Variants in RGS22 observed in about 807,000 individuals in gnomAD.
RGS22 encodes the protein regulator of G-protein signaling 22.
Under a neutral mutation model 172.9 loss-of-function variants are expected in RGS22, and 148 were observed. The observed-to-expected ratio is 0.86, with a 90% CI of 0.75 to 0.98. RGS22 has a LOEUF of 0.98. Among genes scored for constraint, RGS22 ranks in the 50% least tolerant of loss-of-function variants. The pLI is 0.00. For synonymous variants in RGS22, 458 were observed against 480.2 expected, an observed-to-expected ratio of 0.95 and a Z score of 0.60; for missense variants, 1,347 against 1,440.8, an observed-to-expected ratio of 0.93 and a Z score of 1.05.
In RGS22 at chr8:100,051,703, G is replaced by A. The variant is rs1408441266; in HGVS notation, c.1689+1099C>T. 6.9e-3 allele frequency among the ~76,000 whole-genome samples: 140 copies of A among 20,212 alleles called. 50 individuals are homozygous for A. The highest frequency in any genetic ancestry group is 0.058 in the African/African-American group (131 of 2,268). The allele number at this position is 20,212 out of a possible 152,430, so 13.3% of individuals were successfully genotyped here. A position where few individuals can be genotyped will look rare whatever the true frequency, so the allele number is the denominator to read the frequency against. ...TATACATATATATATTTATATATAC[G>A]TATATATAAATATATATTTATATAT... is the stretch of plus-strand genomic sequence containing the variant. On this transcript the variant is annotated intron_variant, in intron 10 of 27. Coordinates refer to ENST00000360863, the MANE Select transcript of RGS22 (RefSeq NM_015668.5).
At position 100,001,219 on chromosome 8, in the gene RGS22, T is replaced by TATATATATATATATACATAC. The variant is rs1402594104; in HGVS notation, c.2790+982_2790+983insGTATGTATATATATATATAT. 1.7e-3 allele frequency among the ~76,000 whole-genome samples: 232 copies of TATATATATATATATACATAC among 132,930 alleles called. 1 individual carries two copies. The highest frequency in any genetic ancestry group is 6.3e-3 in the African/African-American group (222 of 35,326). 87.2% of individuals were successfully genotyped at this position (132,930 alleles called of 152,430 possible). On this transcript the variant is annotated intron_variant, in intron 18 of 27. Coordinates refer to ENST00000360863, the MANE Select transcript of RGS22 (RefSeq NM_015668.5). ...CCAATTTTTTATATATATATATATA[T>TATATATATATATATACATAC]ACATATATATATATACATTTTTTTT... is the stretch of plus-strand genomic sequence containing the variant.
At chr8:100,105,246 A>T in intron 2 of RGS22, 128 bp downstream of exon 2, 1 of 730,524 alleles carries the variant, frequency 1.4e-6, no homozygotes, top group East Asian at 2.5e-5. Flanking sequence ...CACAGTTATT[A>T]CAATTGTTAC....
intron 20 of RGS22, among the ~76,000 whole-genome samples, chr8:99,989,689 C>CA (rs1260045584): frequency 1.3e-5 from 2 of 151,958 alleles, no homozygotes; most frequent in East Asian, 1.9e-4. Context: ...ACCAAAATTG[C>CA]AAAAAATAAG....
At chr8:100,058,171 CA>C (rs71512460) in intron 9 of RGS22, among the ~76,000 whole-genome samples, 2,809 of 56,076 alleles carry the variant, frequency 0.05, 59 homozygotes, top group African/African-American at 0.12. Context: ...ACAGAGGAGA[CA>C]AAAAAAAAAA....
chr8:100,038,700 T>C, intron 14 of RGS22: 1 of 353,198 alleles, frequency 2.8e-6, no homozygotes, highest in Non-Finnish European at 5.1e-6. Context: ...GAAGAACAAG[T>C]AGTTGGCAAG....
At chr8:100,016,137 A>T (rs1415388000) in intron 14 of RGS22, among the ~76,000 whole-genome samples, 1 of 152,246 alleles carries the variant, frequency 6.6e-6, no homozygotes, top group African/African-American at 2.4e-5. Context: ...AATAACGCAA[A>T]GAAAAGCAGA....
chr8:100,085,093 A>G (rs955404722), intron 3 of RGS22, among the ~76,000 whole-genome samples: 8 of 152,146 alleles, frequency 5.3e-5, no homozygotes, highest in South Asian at 2.1e-4. Context: ...TTTCTGAGAC[A>G]TATCAGTAAA....
At chr8:99,974,454 A>G (rs1334274733) in intron 23 of RGS22, among the ~76,000 whole-genome samples, 1 of 152,226 alleles carries the variant, frequency 6.6e-6, no homozygotes. Context: ...AATGTAGACA[A>G]TGCTTATGAT....
intron 20 of RGS22, 113 bp downstream of exon 20, chr8:99,996,348 AG>A (rs1447299139): frequency 1.3e-6 from 1 of 789,528 alleles, no homozygotes; most frequent in Admixed American, 2.2e-5. Flanking sequence ...CTCAGTTGTC[AG>A]TTTAGAAAAC....
intron 10 of RGS22, among the ~76,000 whole-genome samples, chr8:100,048,850 T>G (rs1820993155): frequency 6.6e-6 from 1 of 151,638 alleles, no homozygotes; most frequent in South Asian, 2.1e-4. Context: ...AAAAGGAGAG[T>G]TGGTCTTTAA....
rs372160641 is a variant in RGS22, at chr8:100,081,784, G to T, written c.118-1429C>A. ...AAATTAATTAAACTTGGTAGAGAAT[G>T]ACATCAAATATTAATGGGAGTAGGA... On this transcript the variant is annotated intron_variant, in intron 3 of 27. Transcript: ENST00000360863. 1.2e-4 allele frequency among the ~76,000 whole-genome samples: 18 copies of T among 152,164 alleles called. No individual in the cohort carries two copies. The East Asian group carries it at 2.9e-3, about 24-fold the overall frequency.
intron 16 of RGS22, 49 bp downstream of exon 16, chr8:100,005,968 C>T (rs776178716): frequency 1.4e-6 from 2 of 1,409,478 alleles, no homozygotes; most frequent in African/African-American, 2.8e-5. Flanking sequence ...AAAGTGGTAA[C>T]CCTCTCCAGG....
At chr8:100,015,459 A>C (rs953160112) in intron 14 of RGS22, among the ~76,000 whole-genome samples, 2 of 151,914 alleles carry the variant, frequency 1.3e-5, no homozygotes, top group Non-Finnish European at 2.9e-5. Context: ...CGCCAGGCTA[A>C]TTTTTGTATT....
intron 14 of RGS22, among the ~76,000 whole-genome samples, chr8:100,025,433 C>T (rs1173666151): frequency 3.3e-5 from 5 of 152,214 alleles, no homozygotes; most frequent in African/African-American, 1.2e-4. Context: ...TGATTTTCCA[C>T]ATTCAATCAC....
chr8:99,982,039 G>A lies in RGS22; in HGVS notation c.3258C>T (p.Ser1086=). ...CAATTTGTAAAGCTGGTGGAATACT[G>A]GAATTAATAAAGCAGTTGATAATAG... The part of the protein sequence containing the change: ...ITTIINCFIN[S]SIPPALQIDI... The change falls in exon 22 of 28, where the codon TCC becomes TCT. Residue 1086 remains serine, a synonymous_variant. Transcript: ENST00000360863. The A allele has an allele frequency of 6.2e-7, 1 of 1,613,688 alleles. No individual in the cohort carries two copies. Among genetic ancestry groups the A allele is most frequent in the South Asian group, 1.1e-5 (1 of 91,054 alleles).
At chr8:99,972,166 A>C (rs1811434479) in intron 23 of RGS22, among the ~76,000 whole-genome samples, 1 of 152,238 alleles carries the variant, frequency 6.6e-6, no homozygotes, top group South Asian at 2.1e-4. Context: ...TCCCTATTTA[A>C]TAAATGGTGT....
intron 14 of RGS22, among the ~76,000 whole-genome samples, chr8:100,017,583 A>G (rs1817137193): frequency 6.6e-6 from 1 of 152,206 alleles, no homozygotes. Context: ...CTGTAAGTGG[A>G]TAACTAACAA....
intron 22 of RGS22, among the ~76,000 whole-genome samples, chr8:99,979,452 T>C (rs1208533754): frequency 6.6e-6 from 1 of 152,194 alleles, no homozygotes; most frequent in Admixed American, 6.6e-5. Context: ...TCTTAAAAGA[T>C]AACCAAATTG....
In RGS22 at chr8:100,015,071, A is replaced by C. The variant is rs1335916612; in HGVS notation, c.2167-6502T>G. On this transcript the variant is annotated intron_variant, in intron 14 of 27. Coordinates refer to ENST00000360863, the MANE Select transcript of RGS22 (RefSeq NM_015668.5). ...TGAATGGAAGACTTCATCTAGCCCC[A>C]AAAATTTAACAATCAATGTGGAAGA... Among the ~76,000 whole-genome samples, 15 of 152,334 alleles carry C rather than the reference A, an allele frequency of 9.8e-5. No individual in the cohort carries two copies. In the South Asian group the frequency reaches 2.9e-3, roughly 29 times the overall value.
Sources: gnomAD v4.1 joint callset for allele counts (sites outside exome capture counted in the v4.1 genomes callset) on GRCh38, gnomAD v4.1.1 for gene constraint, MANE v1.5 for transcripts, NCBI Gene and HGNC (gene_info 2026-07-23, HGNC 2026-07-21) for gene names.